HYDIN: variants seen among roughly 807,000 people sequenced by gnomAD.
HYDIN encodes the protein HYDIN axonemal central pair apparatus protein.
In HYDIN, 132 loss-of-function variants were observed where a neutral mutation model predicts 403.9. The ratio of observed to expected loss-of-function variants is 0.33; its 90% CI spans 0.28 to 0.38. The LOEUF is 0.38. HYDIN is among the 10% of genes least tolerant of loss of function. The pLI is 1.00. For missense variants in HYDIN, 2,827 were observed against 5,009.5 expected (o/e 0.56, Z 13.15); for synonymous variants, 1,202 against 1,891.7 (o/e 0.64, Z 9.46).
At chr16:71,189,769 A>AC (rs2087335167) in intron 1 of HYDIN, among the ~76,000 whole-genome samples, 1 of 151,174 alleles carries the variant, frequency 6.6e-6, no homozygotes, top group Admixed American at 6.6e-5. Context: ...TCTGCCTCAA[A>AC]AAAAAAAAAA....
In HYDIN at chr16:71,163,937, T is replaced by G. The variant is rs1452085495; in HGVS notation, c.517-1207A>C. Among the ~76,000 whole-genome samples, 7 of 151,894 alleles carry G rather than the reference T, an allele frequency of 4.6e-5. No individual in the cohort carries two copies. The East Asian group carries it at 1.4e-3, about 30-fold the overall frequency. Reference sequence around the variant, plus strand: ...CTTGCACAAAGCCATTTCTGACCATTCCAAATAAAAATGCTGAGGCCCTAG... The same window carrying G: ...CTTGCACAAAGCCATTTCTGACCATGCCAAATAAAAATGCTGAGGCCCTAG... On this transcript the variant is annotated intron_variant, in intron 5 of 85. Transcript: ENST00000393567.
At chr16:70,886,142 G>A (rs2041118894) in intron 58 of HYDIN, among the ~76,000 whole-genome samples, 1 of 151,492 alleles carries the variant, frequency 6.6e-6, no homozygotes, top group Non-Finnish European at 1.5e-5. Flanking sequence ...CACAAATCAA[G>A]CACCTCCTCC....
At chr16:71,092,727 C>G (rs1166057014) in intron 11 of HYDIN, among the ~76,000 whole-genome samples, 1 of 128,322 alleles carries the variant, frequency 7.8e-6, no homozygotes, top group Non-Finnish European at 1.6e-5. Flanking sequence ...ATTACAGATG[C>G]CTGCCAACAT....
Position 71,230,572 on chromosome 16 carries a change from T to G in HYDIN, c.-34A>C. The G allele has an allele frequency of 6.5e-7, 1 of 1,535,490 alleles. No homozygotes were observed. The highest frequency in any genetic ancestry group is 8.7e-7 in the Non-Finnish European group (1 of 1,146,522). ...GCGAGGACCTCTGACCTTGGTGCAC[T>G]CCGGGTCCCACGTTTATTCTACCTC... On this transcript the variant is annotated 5_prime_UTR_variant, in exon 1 of 86. Transcript: ENST00000393567.
intron 21 of HYDIN, among the ~76,000 whole-genome samples, chr16:71,022,256 C>T (rs985110377): frequency 9.2e-5 from 14 of 152,172 alleles, no homozygotes; most frequent in Non-Finnish European, 2.1e-4. Context: ...GAGAAGGAGT[C>T]AAGCACAGAG....
In HYDIN at chr16:70,837,727, T is replaced by C. The variant is rs749567391; in HGVS notation, c.13205A>G (p.Gln4402Arg). ...ACCCTTCCCTTTGATTTCGACTGTTTGTTGTGAGAGCCCATTGATTTCAAA... is the reference window on the plus strand; with the variant it reads ...ACCCTTCCCTTTGATTTCGACTGTTCGTTGTGAGAGCCCATTGATTTCAAA... ...IPFEINGLSQ[Q>R]TVEIKGKGTK... Residue 4402 changes from glutamine to arginine, a missense_variant, in exon 77 of 86, where the codon CAA becomes CGA. Coordinates refer to ENST00000393567, the MANE Select transcript of HYDIN (RefSeq NM_001270974.2). The C allele has an allele frequency of 1.2e-6, 2 of 1,613,948 alleles. No individual in the cohort carries two copies. Among genetic ancestry groups the C allele is most frequent in the Non-Finnish European group, 1.7e-6 (2 of 1,179,832 alleles).
intron 1 of HYDIN, among the ~76,000 whole-genome samples, chr16:71,187,439 A>G (rs761561022): frequency 3.9e-5 from 6 of 152,170 alleles, no homozygotes; most frequent in Non-Finnish European, 8.8e-5. Context: ...TAGCCACCCA[A>G]TATCTCTGAA....
chr16:70,927,769 G>A (rs939559144), intron 45 of HYDIN, among the ~76,000 whole-genome samples: 7 of 152,164 alleles, frequency 4.6e-5, no homozygotes, highest in African/African-American at 9.7e-5. Context: ...GCCGACAGCC[G>A]ACATCTCAAC....
chr16:70,821,576 C>T (rs1798473), intron 83 of HYDIN, among the ~76,000 whole-genome samples: 3,253 of 150,478 alleles, frequency 0.022, 72 homozygotes, highest in African/African-American at 0.076. Flanking sequence ...CTGTCCCTCT[C>T]GCTGTAATAT....
chr16:70,964,745 T>C lies in HYDIN; in HGVS notation c.5771A>G (p.Asn1924Ser), dbSNP rs2078521844. ...EEQMRAKYLE[N>S]LAQENEEEDI... Reference sequence around the variant, plus strand: ...GTTCTCACCATTCTCCTGTGCCAGATTCTCCAGATATTTCGCCCTCATCTG... The same window carrying C: ...GTTCTCACCATTCTCCTGTGCCAGACTCTCCAGATATTTCGCCCTCATCTG... Residue 1924 changes from asparagine to serine, a missense_variant, in exon 37 of 86, where the codon AAT (asparagine) becomes AGT (serine). Coordinates refer to ENST00000393567, the MANE Select transcript of HYDIN (RefSeq NM_001270974.2). 6.2e-7 allele frequency: 1 copy of C among 1,610,118 alleles called. No individual in the cohort carries two copies. The highest frequency in any genetic ancestry group is 1.1e-5 in the South Asian group (1 of 90,946).
intron 13 of HYDIN, among the ~76,000 whole-genome samples, 154 bp from the exon 14 acceptor site, chr16:71,069,656 T>C (rs1403616145): frequency 6.6e-6 from 1 of 152,234 alleles, no homozygotes; most frequent in Non-Finnish European, 1.5e-5. Flanking sequence ...ATTTTTATTG[T>C]TTCATTCCAT....
intron 79 of HYDIN, among the ~76,000 whole-genome samples, chr16:70,833,557 C>T (rs979723292): frequency 7.5e-6 from 1 of 134,102 alleles, no homozygotes; most frequent in African/African-American, 3.0e-5. Context: ...CTGTGTGGTC[C>T]TCCCTCTGTG....
At chr16:71,012,387 C>T (rs1597540419) in intron 23 of HYDIN, among the ~76,000 whole-genome samples, 1 of 152,260 alleles carries the variant, frequency 6.6e-6, no homozygotes, top group Non-Finnish European at 1.5e-5. Context: ...CGGGCACAAA[C>T]TCACAGGCTT....
chr16:71,098,370 A>T (rs2083345311), intron 10 of HYDIN, among the ~76,000 whole-genome samples: 1 of 151,230 alleles, frequency 6.6e-6, no homozygotes. Context: ...CCCGGCTAAT[A>T]TTTTTGTATT....
At chr16:71,212,767 G>A (rs1318366301) in intron 1 of HYDIN, among the ~76,000 whole-genome samples, 1 of 151,970 alleles carries the variant, frequency 6.6e-6, no homozygotes, top group East Asian at 1.9e-4. Context: ...ATGAGTCAGA[G>A]GCAACATCTA....
In HYDIN at chr16:71,114,544, T is replaced by C. The variant is rs569022419; in HGVS notation, c.1327+1152A>G. The stretch of plus-strand genomic sequence containing the variant: ...CATTTAGAAACCAAGCTTTGGGTGA[T>C]TGGTGTGCTCACTGCTATAGAGTCT... On this transcript the variant is annotated intron_variant, in intron 10 of 85. Transcript: ENST00000393567. Among the ~76,000 whole-genome samples the C allele has an allele frequency of 3.3e-5, 5 of 152,108 alleles. No homozygotes were observed. In the South Asian group the frequency reaches 6.2e-4, roughly 19 times the overall value.
rs752163366 is a variant in HYDIN at position 70,884,098 on chromosome 16, G to A, written c.9801C>T (p.Thr3267=). 27 of 1,603,598 alleles carry A rather than the reference G, an allele frequency of 1.7e-5. No individual in the cohort carries two copies. Among genetic ancestry groups the A allele is most frequent in the Non-Finnish European group, 2.1e-5 (25 of 1,175,392 alleles). The change falls in exon 59 of 86, where the codon ACC becomes ACT. Residue 3267 remains threonine (T), a synonymous_variant. Coordinates refer to ENST00000393567, the MANE Select transcript of HYDIN (RefSeq NM_001270974.2). ...GAATGGAGCCAAACCCAGGGTACACGGTGAACATGCCATGGGCGAAGCGGG... is the reference window on the plus strand; with the variant it reads ...GAATGGAGCCAAACCCAGGGTACACAGTGAACATGCCATGGGCGAAGCGGG... ...GQARFAHGMF[T]VYPGFGSIPS...
At chr16:71,145,707 C>T (rs905304020) in intron 7 of HYDIN, among the ~76,000 whole-genome samples, 4 of 152,134 alleles carry the variant, frequency 2.6e-5, no homozygotes, top group Non-Finnish European at 4.4e-5. Context: ...AAAGGCAGCA[C>T]ATCAAGAGAG....
chr16:71,065,805 C>G (rs1339998242), intron 15 of HYDIN, among the ~76,000 whole-genome samples: 1 of 152,208 alleles, frequency 6.6e-6, no homozygotes, highest in Non-Finnish European at 1.5e-5. Context: ...TCATGGCAGG[C>G]TGTCACTGCT....
Sources: allele counts gnomAD v4.1 joint callset (sites outside exome capture counted in the v4.1 genomes callset), GRCh38; gene constraint gnomAD v4.1.1; transcripts MANE v1.5; gene names NCBI Gene and HGNC (gene_info 2026-07-23, HGNC 2026-07-21).